ADGRL2: variants seen among roughly 807,000 people sequenced by gnomAD.
ADGRL2 encodes calcium-independent alpha-latrotoxin receptor 2.
ADGRL2 carries 44 observed loss-of-function variants against 157.4 expected under a neutral mutation model. The observed-to-expected ratio is 0.28, with a 90% CI of 0.22 to 0.36. The LOEUF (loss-of-function observed/expected upper bound fraction) is 0.36. Among genes scored for constraint, ADGRL2 ranks in the 10% least tolerant of loss-of-function variants. ADGRL2 has a pLI of 1.00. For synonymous variants in ADGRL2, 585 were observed against 624.7 expected (o/e 0.94, Z 0.95); for missense variants, 1,510 against 1,768.9 (o/e 0.85, Z 2.63).
At chr1:81,436,832 T>G (rs1008286177) in intron 1 of ADGRL2, among the ~76,000 whole-genome samples, 2 of 152,246 alleles carry the variant, frequency 1.3e-5, no homozygotes, top group Non-Finnish European at 2.9e-5. Flanking sequence ...GCTTCATCTC[T>G]TAATCAGATA....
At chr1:81,340,123 CTA>C (rs1661961177) in intron 1 of ADGRL2, among the ~76,000 whole-genome samples, 1 of 152,120 alleles carries the variant, frequency 6.6e-6, no homozygotes, top group Non-Finnish European at 1.5e-5. Context: ...TTTAATCATA[CTA>C]TATTTGCAAG....
chr1:81,508,226 CTTAA>C (rs1271730789), intron 2 of ADGRL2, among the ~76,000 whole-genome samples: 13 of 152,298 alleles, frequency 8.5e-5, no homozygotes, highest in African/African-American at 3.1e-4. Flanking sequence ...CTACACAAAA[CTTAA>C]TTGTTTTTGT....
intron 2 of ADGRL2, among the ~76,000 whole-genome samples, chr1:81,487,106 A>AAAAG (rs942721504): frequency 6.9e-6 from 1 of 144,004 alleles, no homozygotes; most frequent in Non-Finnish European, 1.5e-5. Flanking sequence ...AAAAAAAAAA[A>AAAAG]AAAGAAAGTA....
chr1:81,579,375 T>C lies in ADGRL2; in HGVS notation c.-247-1501T>C, dbSNP rs1250892874. On this transcript the variant is annotated intron_variant, in intron 2 of 24. Coordinates refer to the ADGRL2 transcript ENST00000370721. ...AACTGATCCTGGCACTTGCTACTTA[T>C]TACAGGTATGTTATGTGTTTTCAGC... 3 of 152,278 alleles carry C rather than the reference T, an allele frequency of 2.0e-5. 1 individual carries two copies. The highest frequency in any genetic ancestry group is 7.2e-5 in the African/African-American group (3 of 41,566). 9.4% of individuals were successfully genotyped at this position (152,278 alleles called of 1,614,324 possible).
upstream of ADGRL2, among the ~76,000 whole-genome samples, chr1:81,800,806 G>C (rs1224091329): frequency 6.6e-6 from 1 of 151,008 alleles, no homozygotes; most frequent in Non-Finnish European, 1.5e-5. Flanking sequence ...GGTTGAATGG[G>C]TGTGTTAATG....
intron 3 of ADGRL2, among the ~76,000 whole-genome samples, chr1:81,618,057 T>C (rs190512985): frequency 1.3e-5 from 2 of 148,490 alleles, no homozygotes; most frequent in African/African-American, 4.8e-5. Context: ...TTAAAGGTTA[T>C]GTTGGGTTTT....
upstream of ADGRL2, among the ~76,000 whole-genome samples, chr1:81,796,216 C>T (rs1384302916): frequency 6.6e-6 from 1 of 152,106 alleles, no homozygotes; most frequent in Non-Finnish European, 1.5e-5. Context: ...GTCTTGAACT[C>T]CTGACCTTGG....
chr1:81,806,818 A>G (rs2089226104), intron 1 of ADGRL2, among the ~76,000 whole-genome samples: 1 of 152,038 alleles, frequency 6.6e-6, no homozygotes, highest in Non-Finnish European at 1.5e-5. Flanking sequence ...TTAGATTAAG[A>G]ATGAAAGATA....
intron 3 of ADGRL2, chr1:81,625,741 G>T (rs1316455058): frequency 1.3e-5 from 2 of 152,058 alleles, no homozygotes; most frequent in Admixed American, 1.3e-4. Context: ...TCTTTGTGGT[G>T]CTCTTACCTA....
chr1:81,314,075 TA>T (rs1250139877), intron 1 of ADGRL2, among the ~76,000 whole-genome samples: 2 of 152,208 alleles, frequency 1.3e-5, no homozygotes, highest in African/African-American at 4.8e-5. Context: ...TCTGTCAGGG[TA>T]AATCTGTTTA....
upstream of ADGRL2, among the ~76,000 whole-genome samples, chr1:81,698,610 G>T (rs944665380): frequency 1.3e-5 from 2 of 152,112 alleles, no homozygotes; most frequent in African/African-American, 4.8e-5. Context: ...AGCACAGTTT[G>T]CTTGATTTAA....
At chr1:81,462,571 C>T (rs2101814290) in intron 2 of ADGRL2, among the ~76,000 whole-genome samples, 1 of 152,250 alleles carries the variant, frequency 6.6e-6, no homozygotes, top group East Asian at 1.9e-4. Flanking sequence ...GACCTACAAA[C>T]AATGCGTGTG....
intron 3 of ADGRL2, among the ~76,000 whole-genome samples, chr1:81,661,805 T>C (rs1246048600): frequency 1.1e-4 from 16 of 152,194 alleles, no homozygotes; most frequent in Admixed American, 1.0e-3. Flanking sequence ...CATATGATTA[T>C]GGTATTCACC....
intron 2 of ADGRL2, among the ~76,000 whole-genome samples, chr1:81,476,435 A>G (rs2078274563): frequency 1.3e-5 from 2 of 152,208 alleles, no homozygotes; most frequent in African/African-American, 4.8e-5. Context: ...CTCAAGAAGA[A>G]GAGAAAAAGA....
chr1:81,335,852 AAAACAAAAAAC>A lies in ADGRL2; in HGVS notation c.-302+29354_-302+29364del, dbSNP rs1195906041. Among the ~76,000 whole-genome samples the A allele has an allele frequency of 4.6e-5, 7 of 152,228 alleles. No homozygotes were observed. The East Asian group carries it at 1.2e-3, about 25-fold the overall frequency. On this transcript the variant is annotated intron_variant, in intron 1 of 24. Coordinates refer to the ADGRL2 transcript ENST00000370721. ...TAGTGTTTAAAAAAAAAAAAAACAA[AAAACAAAAAAC>A]AAACAAAAAAGCACTATCTTTCCTT...
intron 2 of ADGRL2, among the ~76,000 whole-genome samples, chr1:81,506,764 C>T (rs541651808): frequency 6.6e-6 from 1 of 150,838 alleles, no homozygotes; most frequent in African/African-American, 2.4e-5. Context: ...AAAAACCAGA[C>T]AATAAATTGT....
At chr1:81,766,754 C>T (rs1382772257) in intron 2 of ADGRL2, among the ~76,000 whole-genome samples, 1 of 148,542 alleles carries the variant, frequency 6.7e-6, no homozygotes, top group Non-Finnish European at 1.5e-5. Context: ...CACTTGAACC[C>T]AGGAGGCGGA....
At chr1:81,308,667 C>A (rs1659520710) in intron 1 of ADGRL2, among the ~76,000 whole-genome samples, 1 of 152,144 alleles carries the variant, frequency 6.6e-6, no homozygotes, top group Admixed American at 6.5e-5. Flanking sequence ...AATGTCACAC[C>A]ATCATTTCAC....
At chr1:81,618,901 G>T (rs2081725851) in intron 3 of ADGRL2, among the ~76,000 whole-genome samples, 1 of 151,818 alleles carries the variant, frequency 6.6e-6, no homozygotes, top group Non-Finnish European at 1.5e-5. Flanking sequence ...GCATGTCTAG[G>T]TTGAGTTCTG....
Sources: gnomAD v4.1 joint callset for allele counts (sites outside exome capture counted in the v4.1 genomes callset) on GRCh38, gnomAD v4.1.1 for gene constraint, MANE v1.5 for transcripts, NCBI Gene and HGNC (gene_info 2026-07-23, HGNC 2026-07-21) for gene names.